Variants in SGCZ observed in about 807,000 individuals in gnomAD.
The protein encoded by SGCZ is sarcoglycan zeta, also known as zeta-sarcoglycan.
Under a neutral mutation model 41.3 loss-of-function variants are expected in SGCZ, and 40 were observed. The ratio of observed to expected loss-of-function variants is 0.97; its 90% confidence interval spans 0.75 to 1.26. SGCZ has a LOEUF of 1.26. Among genes scored for constraint, SGCZ ranks in the 50% most tolerant of loss-of-function variants. SGCZ has a pLI of 0.00. For missense variants in SGCZ, 552 were observed against 369.8 expected (o/e 1.49, Z -4.04); for synonymous variants, 206 against 137.5 (o/e 1.50, Z -3.49).
At chr8:14,129,349 A>G (rs1802964969) in intron 5 of SGCZ, among the ~76,000 whole-genome samples, 1 of 132,438 alleles carries the variant, frequency 7.6e-6, no homozygotes, top group African/African-American at 3.9e-5. Context: ...CCGTCTCAAA[A>G]AAAAAAAAAA....
At chr8:14,697,644 C>A (rs1809008171) in intron 1 of SGCZ, among the ~76,000 whole-genome samples, 1 of 151,898 alleles carries the variant, frequency 6.6e-6, no homozygotes, top group Non-Finnish European at 1.5e-5. Context: ...GCCAATAAAC[C>A]TATCTAGAAC....
intron 3 of SGCZ, among the ~76,000 whole-genome samples, chr8:14,275,609 A>T (rs1242079306): frequency 6.6e-6 from 1 of 152,162 alleles, no homozygotes; most frequent in Non-Finnish European, 1.5e-5. Context: ...TACCCCAGGA[A>T]TACTGTCCTG....
intron 1 of SGCZ, among the ~76,000 whole-genome samples, chr8:14,809,975 G>A (rs1563285522): frequency 6.6e-6 from 1 of 151,980 alleles, no homozygotes; most frequent in Non-Finnish European, 1.5e-5. Flanking sequence ...CTTATTTTAA[G>A]AAACTCAAGC....
At chr8:14,962,416 T>C (rs1325163589) in intron 1 of SGCZ, among the ~76,000 whole-genome samples, 1 of 152,016 alleles carries the variant, frequency 6.6e-6, no homozygotes, top group Non-Finnish European at 1.5e-5. Context: ...GTACAATTTA[T>C]GATCTATCAT....
chr8:15,069,397 T>C (rs930992095), intron 1 of SGCZ, among the ~76,000 whole-genome samples: 3 of 152,216 alleles, frequency 2.0e-5, no homozygotes, highest in Non-Finnish European at 4.4e-5. Context: ...TACAAGCTTA[T>C]TGTGAATATT....
intron 1 of SGCZ, among the ~76,000 whole-genome samples, chr8:14,927,841 T>C (rs1426358323): frequency 3.3e-5 from 5 of 152,098 alleles, no homozygotes; most frequent in Non-Finnish European, 7.4e-5. Context: ...AATTAATACA[T>C]ATAGTACCAA....
intron 1 of SGCZ, among the ~76,000 whole-genome samples, chr8:14,679,739 G>C (rs925100945): frequency 6.6e-6 from 1 of 151,842 alleles, no homozygotes; most frequent in Non-Finnish European, 1.5e-5. Context: ...GTCCCCAATA[G>C]TGCATAGTAA....
intron 4 of SGCZ, among the ~76,000 whole-genome samples, chr8:14,217,376 T>C (rs544851316): frequency 6.7e-6 from 1 of 149,858 alleles, no homozygotes; most frequent in East Asian, 2.0e-4. Flanking sequence ...CATGTATAAC[T>C]GGTTAAATCT....
rs1046258520 is a variant in SGCZ at position 14,645,478 on chromosome 8, T to TTATATATATATA, written c.40-90553_40-90552insTATATATATATA. 1.8e-3 allele frequency among the ~76,000 whole-genome samples: 194 copies of TTATATATATATA among 106,596 alleles called. 4 individuals are homozygous for TTATATATATATA. Among genetic ancestry groups the TTATATATATATA allele is most frequent in the East Asian group, 7.0e-3 (21 of 3,008 alleles). The allele number at this position is 106,596 out of a possible 152,430, so 69.9% of individuals were successfully genotyped here. On this transcript the variant is annotated intron_variant, in intron 1 of 7. Coordinates refer to ENST00000382080, the MANE Select transcript of SGCZ (RefSeq NM_139167.4). ...AGTATCATTGATTATATATATATATTTATATGTATATATATATATATATGG... is the reference window on the plus strand; with the variant it reads ...AGTATCATTGATTATATATATATATTTATATATATATATATATGTATATATATATATATATGG...
At chr8:14,869,104 C>T (rs1426642487) in intron 1 of SGCZ, among the ~76,000 whole-genome samples, 1 of 152,138 alleles carries the variant, frequency 6.6e-6, no homozygotes, top group Non-Finnish European at 1.5e-5. Flanking sequence ...CAGCATCATT[C>T]TGATACCCAA....
chr8:14,138,630 A>G (rs1017387670), intron 5 of SGCZ, among the ~76,000 whole-genome samples: 2 of 152,232 alleles, frequency 1.3e-5, no homozygotes, highest in African/African-American at 4.8e-5. Flanking sequence ...CAATTCAACA[A>G]GAAGAGCTAA....
intron 1 of SGCZ, among the ~76,000 whole-genome samples, chr8:15,069,913 A>G (rs890494671): frequency 6.6e-5 from 10 of 152,188 alleles, no homozygotes; most frequent in African/African-American, 1.9e-4. Flanking sequence ...TTCATTTTAT[A>G]TATCTATTAG....
At chr8:14,141,242 A>T (rs1803360207) in intron 5 of SGCZ, among the ~76,000 whole-genome samples, 1 of 152,096 alleles carries the variant, frequency 6.6e-6, no homozygotes, top group Admixed American at 6.6e-5. Flanking sequence ...TATACCATTC[A>T]GGACACAGGC....
chr8:15,141,639 C>T (rs1808325282), intron 1 of SGCZ, among the ~76,000 whole-genome samples: 1 of 152,196 alleles, frequency 6.6e-6, no homozygotes, highest in Admixed American at 6.5e-5. Context: ...CACGGTGGCT[C>T]ACGCCTGTAA....
intron 3 of SGCZ, among the ~76,000 whole-genome samples, chr8:14,247,397 C>G (rs1233102388): frequency 6.6e-6 from 1 of 152,062 alleles, no homozygotes; most frequent in Non-Finnish European, 1.5e-5. Flanking sequence ...CTGCAGGGAG[C>G]AGTTTTACAC....
chr8:14,878,684 G>A (rs952220434), intron 1 of SGCZ, among the ~76,000 whole-genome samples: 13 of 152,168 alleles, frequency 8.5e-5, no homozygotes, highest in Admixed American at 7.2e-4. Context: ...CAGAGCAAAC[G>A]AAGTCTATAA....
chr8:15,033,760 G>A (rs1004499140), intron 1 of SGCZ, among the ~76,000 whole-genome samples: 3 of 152,100 alleles, frequency 2.0e-5, no homozygotes, highest in Non-Finnish European at 4.4e-5. Context: ...GTGGACCCAG[G>A]ATTCAGGTTG....
intron 1 of SGCZ, among the ~76,000 whole-genome samples, chr8:14,599,137 A>C (rs747546510): frequency 2.0e-5 from 3 of 152,108 alleles, no homozygotes; most frequent in Non-Finnish European, 4.4e-5. Context: ...TCCGTACATC[A>C]ATTTCAGACA....
chr8:14,460,963 A>T (rs554028696), intron 2 of SGCZ, among the ~76,000 whole-genome samples: 1 of 152,130 alleles, frequency 6.6e-6, no homozygotes, highest in East Asian at 1.9e-4. Flanking sequence ...CTGAACCTAG[A>T]TTTTGATTAT....
Sources: allele counts gnomAD v4.1 joint callset (sites outside exome capture counted in the v4.1 genomes callset), GRCh38; gene constraint gnomAD v4.1.1; transcripts MANE v1.5; gene names NCBI Gene and HGNC (gene_info 2026-07-23, HGNC 2026-07-21).